The following KLHL1 variants were observed in gnomAD, a reference collection of about 807,000 sequenced individuals.
The protein encoded by KLHL1 is kelch like family member 1, also known as kelch-like protein 1.
In KLHL1, 47 loss-of-function variants were observed where a neutral mutation model predicts 77.7. The ratio of observed to expected loss-of-function variants is 0.60; its 90% confidence interval spans 0.48 to 0.77. KLHL1 has a LOEUF of 0.77. Ranked by LOEUF, KLHL1 falls within the 30% of genes least tolerant of loss-of-function variation. KLHL1 has a pLI of 0.00. For synonymous variants in KLHL1, 360 were observed against 325.2 expected (o/e 1.11, Z -1.15); for missense variants, 925 against 910.8 (o/e 1.02, Z -0.20).
In KLHL1 at chr13:70,108,417, A is replaced by G. The variant is rs539830366; in HGVS notation, c.-718T>C. 20 of 156,490 alleles carry G rather than the reference A, an allele frequency of 1.3e-4. No homozygotes were observed. The highest frequency in any genetic ancestry group is 1.1e-3 in the Admixed American group (17 of 15,374). The allele number at this position is 156,490 out of a possible 1,614,324, so 9.7% of individuals were successfully genotyped here. Reference sequence around the variant, plus strand: ...GCGCATATAGGGAGGCAAAAGAAAAAGCCCGCCTGTGAAGCTGTCAAGGTC... The same window carrying G: ...GCGCATATAGGGAGGCAAAAGAAAAGGCCCGCCTGTGAAGCTGTCAAGGTC... On this transcript the variant is annotated 5_prime_UTR_variant, in exon 1 of 11. Transcript: ENST00000377844.
At chr13:69,771,276 CAA>C (rs59252203) in intron 7 of KLHL1, among the ~76,000 whole-genome samples, 4 of 128,038 alleles carry the variant, frequency 3.1e-5, no homozygotes, top group African/African-American at 5.6e-5. Flanking sequence ...TAGCAACTTT[CAA>C]AAAAAAAAAA....
At chr13:69,882,130 T>C (rs1295447161) in intron 5 of KLHL1, among the ~76,000 whole-genome samples, 153 bp downstream of exon 5, 2 of 152,188 alleles carry the variant, frequency 1.3e-5, no homozygotes, top group Non-Finnish European at 2.9e-5. Context: ...TCATCATACA[T>C]CATTTTCCAC....
At chr13:69,745,494 G>C (rs989216586) in intron 7 of KLHL1, among the ~76,000 whole-genome samples, 23 of 151,862 alleles carry the variant, frequency 1.5e-4, no homozygotes, top group African/African-American at 5.5e-4. Context: ...AAGGAGTTAA[G>C]TTTACTTGAT....
intron 1 of KLHL1, among the ~76,000 whole-genome samples, chr13:70,086,714 T>TC (rs1887553428): frequency 6.6e-6 from 1 of 151,588 alleles, no homozygotes; most frequent in African/African-American, 2.4e-5. Flanking sequence ...CAAACTTTTT[T>TC]TTTTTTTCAA....
intron 4 of KLHL1, among the ~76,000 whole-genome samples, chr13:69,910,943 TACA>T (rs1344120632): frequency 5.3e-5 from 8 of 152,214 alleles, no homozygotes; most frequent in African/African-American, 1.2e-4. Flanking sequence ...ACTACCATTG[TACA>T]ACATTTATTT....
At chr13:69,740,629 G>A in intron 7 of KLHL1, 73 bp from the exon 8 acceptor site, 5 of 1,124,948 alleles carry the variant, frequency 4.4e-6, no homozygotes, top group South Asian at 4.0e-5. Context: ...CTGTTAAGTG[G>A]GTAGATCTCA....
chr13:69,709,209 A>T (rs1208163154), intron 9 of KLHL1, among the ~76,000 whole-genome samples: 1 of 151,980 alleles, frequency 6.6e-6, no homozygotes, highest in East Asian at 1.9e-4. Flanking sequence ...TCACAGATAG[A>T]TGCAGACATA....
chr13:70,096,232 T>C (rs1887785280), intron 1 of KLHL1, among the ~76,000 whole-genome samples: 1 of 152,064 alleles, frequency 6.6e-6, no homozygotes, highest in Admixed American at 6.6e-5. Context: ...CTGGATTATA[T>C]GGTAGTTCTA....
chr13:69,970,019 A>G (rs2137283363), intron 2 of KLHL1, among the ~76,000 whole-genome samples: 1 of 152,246 alleles, frequency 6.6e-6, no homozygotes, highest in African/African-American at 2.4e-5. Context: ...TTTTAGCGAA[A>G]GCTGTGCAGA....
chr13:69,863,290 A>G (rs931557538), intron 5 of KLHL1, among the ~76,000 whole-genome samples: 9 of 142,792 alleles, frequency 6.3e-5, no homozygotes, highest in Non-Finnish European at 9.2e-5. Flanking sequence ...AGAGAAACTA[A>G]AATACTAGGA....
At chr13:69,755,063 G>T (rs1874647952) in intron 7 of KLHL1, among the ~76,000 whole-genome samples, 1 of 152,068 alleles carries the variant, frequency 6.6e-6, no homozygotes, top group Non-Finnish European at 1.5e-5. Flanking sequence ...ATCTTATGTT[G>T]AAATGTGATT....
chr13:70,107,815 C>A lies in KLHL1; in HGVS notation c.-116G>T, dbSNP rs1888112396. The A allele has an allele frequency of 1.3e-6, 1 of 760,378 alleles. No homozygotes were observed. The highest frequency in any genetic ancestry group is 2.0e-5 in the South Asian group (1 of 49,834). The allele number at this position is 760,378 out of a possible 1,614,324, so 47.1% of individuals were successfully genotyped here. ...GAAGAGGCGGGATGCGCCCTCTGCA[C>A]CCCTAGAGCCAGAAGACGCTAGGTG... On this transcript the variant is annotated 5_prime_UTR_variant, in exon 1 of 11. Transcript: ENST00000377844.
rs183775694 is a variant in KLHL1 at position 69,810,343 on chromosome 13, C to T, written c.1415-13381G>A. Among the ~76,000 whole-genome samples the T allele has an allele frequency of 8.5e-4, 130 of 152,094 alleles. 1 individual carries two copies. The highest frequency in any genetic ancestry group is 3.0e-3 in the African/African-American group (126 of 41,516). ...AAATTTTAATTATATGAAGCATCTC[C>T]TTGGATCACAGTGGAATAAAAACAG... is the stretch of plus-strand genomic sequence containing the variant. On this transcript the variant is annotated intron_variant, in intron 6 of 10. Coordinates refer to ENST00000377844, the MANE Select transcript of KLHL1 (RefSeq NM_020866.3).
intron 1 of KLHL1, among the ~76,000 whole-genome samples, chr13:70,008,516 T>A (rs1388932263): frequency 6.6e-6 from 1 of 152,112 alleles, no homozygotes; most frequent in Non-Finnish European, 1.5e-5. Flanking sequence ...ATGCATGTTT[T>A]TAACCATTTG....
intron 6 of KLHL1, among the ~76,000 whole-genome samples, chr13:69,821,647 T>C (rs1878341124): frequency 6.6e-6 from 1 of 152,128 alleles, no homozygotes. Flanking sequence ...CTCTTCATTT[T>C]TAGAAAGAAA....
chr13:70,024,411 G>C (rs1885879660), intron 1 of KLHL1, among the ~76,000 whole-genome samples: 1 of 151,726 alleles, frequency 6.6e-6, no homozygotes, highest in African/African-American at 2.4e-5. Flanking sequence ...AAAACTCAGG[G>C]GACTTGCCAT....
intron 1 of KLHL1, among the ~76,000 whole-genome samples, chr13:70,042,965 G>A (rs151097000): frequency 0.063 from 9,524 of 152,162 alleles, 875 homozygotes; most frequent in African/African-American, 0.2. Context: ...GAGTGCAGTG[G>A]CATAATCCCA....
At chr13:69,721,760 G>A (rs1244885705) in intron 8 of KLHL1, among the ~76,000 whole-genome samples, 1 of 151,988 alleles carries the variant, frequency 6.6e-6, no homozygotes, top group Non-Finnish European at 1.5e-5. Context: ...AAATATATCT[G>A]ATTGCCCAAG....
chr13:70,108,334 A>G lies in KLHL1; in HGVS notation c.-635T>C, dbSNP rs1888129352. On this transcript the variant is annotated 5_prime_UTR_variant, in exon 1 of 11. Transcript: ENST00000377844. ...CTGAGAAAGTCAATTGCTTTCTGCA[A>G]TGCCAGAAGAGGTGGTTTTATATAG... is the stretch of plus-strand genomic sequence containing the variant. 1 of 290,788 alleles carries G rather than the reference A, an allele frequency of 3.4e-6. No homozygotes were observed. Among genetic ancestry groups the G allele is most frequent in the Non-Finnish European group, 6.3e-6 (1 of 158,996 alleles). The allele number at this position is 290,788 out of a possible 1,614,324, so 18.0% of individuals were successfully genotyped here.
Sources: gnomAD v4.1 joint callset for allele counts (sites outside exome capture counted in the v4.1 genomes callset) on GRCh38, gnomAD v4.1.1 for gene constraint, MANE v1.5 for transcripts, NCBI Gene and HGNC (gene_info 2026-07-23, HGNC 2026-07-21) for gene names.